Variants in ZNF221 observed in about 807,000 individuals in gnomAD.
ZNF221 encodes the protein zinc finger protein 221.
Under a neutral mutation model 12.6 loss-of-function variants are expected in ZNF221, and 10 were observed. The observed-to-expected ratio is 0.79, with a 90% CI of 0.49 to 1.34. The LOEUF is 1.34. Ranked by LOEUF, ZNF221 falls within the 40% of genes most tolerant of loss-of-function variation. ZNF221 has a pLI of 0.00. For synonymous variants in ZNF221, 232 were observed against 244.0 expected (o/e 0.95, Z 0.46); for missense variants, 661 against 721.4 (o/e 0.92, Z 0.96).
intron 4 of ZNF221, 144 bp from the exon 5 acceptor site, chr19:43,965,660 C>A: frequency 1.3e-6 from 1 of 742,110 alleles, no homozygotes; most frequent in Non-Finnish European, 2.1e-6. Context: ...CTCTTGAAAA[C>A]CAAAGACCAT....
the ZNF221 span, chr19:43,978,724 G>C: frequency 8.5e-5 from 13 of 152,164 alleles, no homozygotes; most frequent in African/African-American, 2.9e-4. Flanking sequence ...TCTCACGATG[G>C]ACTGGGTCTC....
chr19:43,957,505 T>G (rs1176754184), intron 1 of ZNF221, among the ~76,000 whole-genome samples: 14 of 152,218 alleles, frequency 9.2e-5, no homozygotes, highest in Admixed American at 4.6e-4. Flanking sequence ...TTAAAGTATG[T>G]AAGAAAGCAG....
downstream of ZNF221, among the ~76,000 whole-genome samples, chr19:43,968,604 A>G (rs1361023132): frequency 6.6e-6 from 1 of 152,270 alleles, no homozygotes; most frequent in Non-Finnish European, 1.5e-5. Flanking sequence ...ATGGCCAATT[A>G]GAAGCAGCTA....
the ZNF221 span, among the ~76,000 whole-genome samples, chr19:43,978,934 T>TGTGTG: frequency 6.2e-4 from 67 of 107,306 alleles, no homozygotes; most frequent in East Asian, 6.9e-3. Flanking sequence ...TGTGTGTGTG[T>TGTGTG]TTTTTTTTTT....
the ZNF221 span, among the ~76,000 whole-genome samples, chr19:43,979,678 C>A: frequency 6.6e-6 from 1 of 152,048 alleles, no homozygotes; most frequent in African/African-American, 2.4e-5. Flanking sequence ...TTAGCCAGTC[C>A]CACAGTGGCA....
downstream of ZNF221, among the ~76,000 whole-genome samples, chr19:43,970,753 A>C (rs1157900179): frequency 1.3e-5 from 2 of 152,232 alleles, no homozygotes; most frequent in African/African-American, 2.4e-5. Context: ...TCTGAAAAAA[A>C]ATATGGAGTT....
downstream of ZNF221, chr19:43,967,723 C>T (rs992115717): frequency 1.2e-4 from 22 of 183,294 alleles, no homozygotes; most frequent in Non-Finnish European, 2.0e-4. Context: ...CGTGATCCGC[C>T]CGCCTTGGCC....
At chr19:43,976,814 G>T in the ZNF221 span, 8 of 152,074 alleles carry the variant, frequency 5.3e-5, no homozygotes, top group Middle Eastern at 3.2e-3. Flanking sequence ...TTTATTGTTG[G>T]CCATAAGAAT....
the ZNF221 span, among the ~76,000 whole-genome samples, chr19:43,979,422 CATAT>C: frequency 2.0e-3 from 282 of 138,402 alleles, 2 homozygotes; most frequent in African/African-American, 4.7e-3. Flanking sequence ...AACAGTAATA[CATAT>C]ATATATATAT....
chr19:43,962,004 C>A (rs381872), intron 1 of ZNF221: 1 of 151,890 alleles, frequency 6.6e-6, no homozygotes, highest in Non-Finnish European at 1.5e-5. Context: ...AAAATAAAAA[C>A]GTTTCTTACG....
chr19:43,954,961 C>T (rs1293655350), intron 1 of ZNF221, among the ~76,000 whole-genome samples: 1 of 152,090 alleles, frequency 6.6e-6, no homozygotes, highest in Non-Finnish European at 1.5e-5. Flanking sequence ...TGTAAGCCAG[C>T]CCTGATGCTT....
the ZNF221 span, among the ~76,000 whole-genome samples, chr19:43,973,347 G>A: frequency 6.6e-6 from 1 of 152,072 alleles, no homozygotes; most frequent in Non-Finnish European, 1.5e-5. Context: ...ACAAGACAAG[G>A]ACCAGCCCCC....
chr19:43,965,306 C>T lies in ZNF221; in HGVS notation c.282C>T (p.Ser94=). ...KEKFWKMKTT[S]QREGNSGGKI... ...AGTTTTGGAAGATGAAGACAACAAG[C>T]CAAAGAGAAGGGAATTCAGGTAAGA... Residue 94 remains serine (S), a synonymous_variant, in exon 4 of 5, where the codon AGC becomes AGT. Transcript: ENST00000587682. 5 of 1,613,354 alleles carry T rather than the reference C, an allele frequency of 3.1e-6. No individual in the cohort carries two copies. The highest frequency in any genetic ancestry group is 4.2e-6 in the Non-Finnish European group (5 of 1,179,640).
intron 1 of ZNF221, 27 bp from the exon 2 acceptor site, chr19:43,962,698 T>C (rs1260860047): frequency 6.2e-7 from 1 of 1,609,498 alleles, no homozygotes; most frequent in Admixed American, 1.7e-5. Flanking sequence ...TCCTGTCTGT[T>C]TTTCTGCCTT....
At chr19:43,954,336 C>G (rs1439840838) in intron 1 of ZNF221, among the ~76,000 whole-genome samples, 1 of 152,178 alleles carries the variant, frequency 6.6e-6, no homozygotes, top group Non-Finnish European at 1.5e-5. Context: ...CTGGAGTTCT[C>G]TCAATTCATA....
At chr19:43,974,174 G>A in the ZNF221 span, among the ~76,000 whole-genome samples, 4 of 152,072 alleles carry the variant, frequency 2.6e-5, no homozygotes, top group Admixed American at 6.5e-5. Flanking sequence ...TATAATAAAC[G>A]GTGCTGGGAG....
chr19:43,968,964 G>C (rs1975038489), downstream of ZNF221, among the ~76,000 whole-genome samples: 1 of 152,170 alleles, frequency 6.6e-6, no homozygotes, highest in Admixed American at 6.5e-5. Flanking sequence ...GGCCTCTCAG[G>C]CACACACAGA....
At chr19:43,956,960 C>A (rs1346029846) in intron 1 of ZNF221, among the ~76,000 whole-genome samples, 1 of 152,124 alleles carries the variant, frequency 6.6e-6, no homozygotes, top group Non-Finnish European at 1.5e-5. Context: ...GATTTGTAAA[C>A]AGAAAAAGGA....
chr19:43,981,599 C>T, the ZNF221 span, among the ~76,000 whole-genome samples: 1 of 152,134 alleles, frequency 6.6e-6, no homozygotes, highest in Non-Finnish European at 1.5e-5. Context: ...AAATAAATTA[C>T]TCCATATGAC....
Sources: gnomAD v4.1 joint callset for allele counts (sites outside exome capture counted in the v4.1 genomes callset) on GRCh38, gnomAD v4.1.1 for gene constraint, MANE v1.5 for transcripts, NCBI Gene and HGNC (gene_info 2026-07-23, HGNC 2026-07-21) for gene names.